The following NELL1 variants were observed in gnomAD, a reference collection of about 807,000 sequenced individuals.
The protein encoded by NELL1 is neural EGFL like 1, also known as protein kinase C-binding protein NELL1.
In NELL1, 76 loss-of-function variants were observed where a neutral mutation model predicts 107.4. The observed-to-expected ratio is 0.71, with a 90% confidence interval of 0.59 to 0.86. The LOEUF is 0.86. Among genes scored for constraint, NELL1 ranks in the 40% least tolerant of loss-of-function variants. The probability of loss-of-function intolerance (pLI) is 0.00; values close to 1 mark genes in which losing one functional copy is unlikely to be tolerated. For missense variants in NELL1, 1,024 were observed against 1,005.5 expected (o/e 1.02, Z -0.25); for synonymous variants, 353 against 341.2 (o/e 1.03, Z -0.38).
At chr11:20,913,380 C>A (rs1430599382) in intron 5 of NELL1, among the ~76,000 whole-genome samples, 2 of 152,102 alleles carry the variant, frequency 1.3e-5, no homozygotes, top group Admixed American at 6.6e-5. Context: ...GGTGGTGAAG[C>A]TGCTTTTGTT....
At position 20,782,635 on chromosome 11, in the gene NELL1, G is replaced by C. The variant is rs572924022; in HGVS notation, c.185-1045G>C. On this transcript the variant is annotated intron_variant, in intron 2 of 19. Transcript: ENST00000357134. ...TTGCTTGGGCAGTGCAGCATTTGAA[G>C]TTCTATGTTTTTCAAGGGCTTCCCA... Among the ~76,000 whole-genome samples, 189 of 152,286 alleles carry C rather than the reference G, an allele frequency of 1.2e-3. 1 individual carries two copies. Among genetic ancestry groups the C allele is most frequent in the African/African-American group, 4.4e-3 (181 of 41,556 alleles).
intron 1 of NELL1, among the ~76,000 whole-genome samples, chr11:20,676,816 C>T (rs1476186405): frequency 1.3e-5 from 2 of 152,192 alleles, no homozygotes; most frequent in Non-Finnish European, 2.9e-5. Flanking sequence ...GCATTACCAT[C>T]AGATGAGAGT....
intron 15 of NELL1, among the ~76,000 whole-genome samples, chr11:21,410,530 T>A (rs1852350115): frequency 6.6e-6 from 1 of 152,050 alleles, no homozygotes; most frequent in African/African-American, 2.4e-5. Flanking sequence ...TCCAGCACCA[T>A]ATTCACACAA....
At chr11:21,137,934 C>T (rs192486189) in intron 13 of NELL1, among the ~76,000 whole-genome samples, 10 of 152,268 alleles carry the variant, frequency 6.6e-5, no homozygotes, top group East Asian at 1.9e-4. Flanking sequence ...TCAGAAACCA[C>T]GAAAACCAGC....
intron 13 of NELL1, among the ~76,000 whole-genome samples, chr11:21,161,520 G>A (rs1181463137): frequency 6.6e-6 from 1 of 152,094 alleles, no homozygotes; most frequent in Non-Finnish European, 1.5e-5. Context: ...CTGGGTGACA[G>A]AATGAGATTC....
At chr11:20,762,285 G>A (rs772146219) in intron 2 of NELL1, among the ~76,000 whole-genome samples, 3 of 152,166 alleles carry the variant, frequency 2.0e-5, no homozygotes, top group Non-Finnish European at 2.9e-5. Context: ...GAACACACGT[G>A]GTCCTTCTTT....
chr11:21,090,805 T>C (rs917615950), intron 12 of NELL1, among the ~76,000 whole-genome samples: 3 of 152,202 alleles, frequency 2.0e-5, no homozygotes, highest in Admixed American at 6.5e-5. Context: ...TACCCAGATA[T>C]AGGACATATA....
At chr11:21,506,305 A>G (rs1354034625) in intron 15 of NELL1, among the ~76,000 whole-genome samples, 2 of 152,174 alleles carry the variant, frequency 1.3e-5, no homozygotes, top group African/African-American at 2.4e-5. Context: ...GTTCAGCACA[A>G]TAATATCTCA....
At chr11:20,691,239 T>C (rs1854457460) in intron 2 of NELL1, among the ~76,000 whole-genome samples, 3 of 151,852 alleles carry the variant, frequency 2.0e-5, no homozygotes, top group Admixed American at 6.6e-5. Flanking sequence ...ACAGGGAAAA[T>C]TTGACTTCCT....
chr11:21,084,739 T>A (rs1411998089), intron 12 of NELL1, among the ~76,000 whole-genome samples: 1 of 152,232 alleles, frequency 6.6e-6, no homozygotes, highest in Non-Finnish European at 1.5e-5. Flanking sequence ...GCGCAACCAC[T>A]GTGCGTTTGT....
intron 3 of NELL1, among the ~76,000 whole-genome samples, chr11:20,804,499 G>A (rs1219316826): frequency 1.3e-5 from 2 of 152,200 alleles, no homozygotes; most frequent in African/African-American, 2.4e-5. Flanking sequence ...GCCTCCCAAA[G>A]TGCTGGGAAT....
intron 4 of NELL1, among the ~76,000 whole-genome samples, chr11:20,881,823 T>C (rs775996263): frequency 1.3e-5 from 2 of 152,120 alleles, no homozygotes; most frequent in African/African-American, 4.8e-5. Flanking sequence ...AGACAAGAAA[T>C]TGGCCATTCT....
chr11:21,122,252 A>G (rs1009957975), intron 13 of NELL1, among the ~76,000 whole-genome samples: 10 of 152,114 alleles, frequency 6.6e-5, no homozygotes, highest in East Asian at 1.9e-4. Context: ...TGTACACTCT[A>G]TTGTTAGATT....
chr11:21,318,024 G>T (rs1022708816), intron 14 of NELL1, among the ~76,000 whole-genome samples: 2 of 151,458 alleles, frequency 1.3e-5, no homozygotes, highest in African/African-American at 4.9e-5. Context: ...TCAAATGAAG[G>T]CTATCATTTC....
At chr11:21,051,106 TC>T (rs1459477272) in intron 12 of NELL1, among the ~76,000 whole-genome samples, 1 of 152,154 alleles carries the variant, frequency 6.6e-6, no homozygotes, top group African/African-American at 2.4e-5. Context: ...GCAACCCAAT[TC>T]ACAATTACAA....
At chr11:20,991,951 C>T (rs948351624) in intron 12 of NELL1, among the ~76,000 whole-genome samples, 3 of 148,926 alleles carry the variant, frequency 2.0e-5, no homozygotes, top group African/African-American at 7.6e-5. Flanking sequence ...GCATAACAAC[C>T]CCTCTCCTTC....
chr11:21,458,246 T>A (rs1853800832), intron 15 of NELL1, among the ~76,000 whole-genome samples: 1 of 151,984 alleles, frequency 6.6e-6, no homozygotes, highest in Middle Eastern at 3.4e-3. Context: ...GGTAAGACTA[T>A]CTCTTTCATA....
chr11:20,781,902 C>T (rs1262429347), intron 2 of NELL1, among the ~76,000 whole-genome samples: 1 of 134,052 alleles, frequency 7.5e-6, no homozygotes, highest in East Asian at 2.2e-4. Context: ...AAAAGGCGGG[C>T]ATGGTGGCAC....
At chr11:20,697,474 G>T (rs945079479) in intron 2 of NELL1, among the ~76,000 whole-genome samples, 2 of 149,776 alleles carry the variant, frequency 1.3e-5, no homozygotes, top group Non-Finnish European at 3.0e-5. Context: ...AGGAAGAATA[G>T]ATAGTATCTT....
Sources: gnomAD v4.1 joint callset for allele counts (sites outside exome capture counted in the v4.1 genomes callset) on GRCh38, gnomAD v4.1.1 for gene constraint, MANE v1.5 for transcripts, NCBI Gene and HGNC (gene_info 2026-07-23, HGNC 2026-07-21) for gene names.